CALCR: variants seen among roughly 807,000 people sequenced by gnomAD.
CALCR encodes the protein calcitonin receptor.
A neutral mutation model predicts 59.5 loss-of-function variants in CALCR; 47 were observed. That is an observed-to-expected ratio of 0.79 (90% CI 0.63 to 1.01). The LOEUF (loss-of-function observed/expected upper bound fraction) is 1.01, where lower values mean the gene tolerates loss of function less well. Among genes scored for constraint, CALCR ranks in the 50% least tolerant of loss-of-function variants. The pLI is 0.00. For missense variants in CALCR, 566 were observed against 597.1 expected (o/e 0.95, Z 0.54); for synonymous variants, 213 against 211.3 (o/e 1.01, Z -0.07).
intron 2 of CALCR, among the ~76,000 whole-genome samples, chr7:93,543,299 G>A (rs906882823): frequency 3.9e-5 from 6 of 151,956 alleles, no homozygotes; most frequent in Admixed American, 2.0e-4. Flanking sequence ...TGCCCACCAT[G>A]GCAACTGGCT....
chr7:93,553,334 C>T (rs1789514380), intron 2 of CALCR, among the ~76,000 whole-genome samples: 1 of 152,050 alleles, frequency 6.6e-6, no homozygotes, highest in Non-Finnish European at 1.5e-5. Flanking sequence ...CTGGGAGATC[C>T]TGAGGAGGTA....
chr7:93,549,172 G>A (rs1225847526), intron 2 of CALCR, among the ~76,000 whole-genome samples: 1 of 152,068 alleles, frequency 6.6e-6, no homozygotes, highest in Non-Finnish European at 1.5e-5. Flanking sequence ...ATGTTCTCAT[G>A]TTTACAGTGG....
At chr7:93,562,504 G>A (rs188589229) in intron 2 of CALCR, among the ~76,000 whole-genome samples, 132 of 152,306 alleles carry the variant, frequency 8.7e-4, no homozygotes, top group Non-Finnish European at 7.4e-4. Flanking sequence ...AGATGAGTAT[G>A]ATGGTAAGAC....
At chr7:93,442,169 C>G (rs1799920422) in intron 9 of CALCR, among the ~76,000 whole-genome samples, 1 of 152,264 alleles carries the variant, frequency 6.6e-6, no homozygotes, top group African/African-American at 2.4e-5. Context: ...TTATCTGCTC[C>G]CAGGCTACAG....
intron 13 of CALCR, among the ~76,000 whole-genome samples, chr7:93,430,930 C>T (rs1799645943): frequency 6.6e-6 from 1 of 152,152 alleles, no homozygotes; most frequent in African/African-American, 2.4e-5. Context: ...TCTAGAAAGA[C>T]ATTGTATTGA....
intron 8 of CALCR, among the ~76,000 whole-genome samples, chr7:93,447,047 A>G (rs1331652011): frequency 6.6e-6 from 1 of 152,008 alleles, no homozygotes; most frequent in Non-Finnish European, 1.5e-5. Flanking sequence ...GAGTCATATC[A>G]CTATTCAGTG....
chr7:93,519,541 T>C (rs772831404), intron 2 of CALCR, among the ~76,000 whole-genome samples: 3 of 152,066 alleles, frequency 2.0e-5, no homozygotes, highest in Non-Finnish European at 2.9e-5. Context: ...CCTCAGCACA[T>C]AGTATTCAAT....
intron 7 of CALCR, among the ~76,000 whole-genome samples, chr7:93,468,507 G>T (rs1748795974): frequency 1.3e-5 from 2 of 151,662 alleles, no homozygotes; most frequent in Non-Finnish European, 2.9e-5. Flanking sequence ...TTTTGAAAAT[G>T]ATATAAATTT....
intron 2 of CALCR, among the ~76,000 whole-genome samples, chr7:93,565,663 A>G (rs933903013): frequency 1.3e-5 from 2 of 152,174 alleles, no homozygotes; most frequent in Non-Finnish European, 2.9e-5. Context: ...TTTGCAGTCT[A>G]TGTGATGTTA....
intron 2 of CALCR, among the ~76,000 whole-genome samples, chr7:93,564,651 G>C (rs573793266): frequency 2.0e-5 from 3 of 151,636 alleles, no homozygotes; most frequent in Non-Finnish European, 4.4e-5. Context: ...ACGGGGTTTC[G>C]CTATGTTGGC....
rs1297524627 is a variant in CALCR at position 93,443,714 on chromosome 7, G to A, written c.692C>T (p.Ala231Val). ...ACAGAGCATCCAGAAATAGTTGCAG[G>A]CCATCATGTACTGGTGGAAAAAATG... is the stretch of plus-strand genomic sequence containing the variant. ...ILHFFHQYMM[A>V]CNYFWMLCEG... Residue 231 changes from alanine to valine, a missense_variant, in exon 9 of 14, where the codon GCC becomes GTC. By Grantham distance (64) the Ala-to-Val change is moderately conservative. Coordinates refer to ENST00000426151, the MANE Select transcript of CALCR (RefSeq NM_001742.4). 3 of 1,612,568 alleles carry A rather than the reference G, an allele frequency of 1.9e-6. No individual in the cohort carries two copies. Among genetic ancestry groups the A allele is most frequent in the Non-Finnish European group, 2.5e-6 (3 of 1,178,720 alleles).
intron 2 of CALCR, among the ~76,000 whole-genome samples, chr7:93,564,629 T>A (rs1789820167): frequency 6.6e-6 from 1 of 152,054 alleles, no homozygotes; most frequent in African/African-American, 2.4e-5. Context: ...ATTTTTTGTA[T>A]TTTTAGTAGA....
At chr7:93,427,405 A>G (rs979108688) in intron 13 of CALCR, among the ~76,000 whole-genome samples, 8 of 152,188 alleles carry the variant, frequency 5.3e-5, no homozygotes, top group African/African-American at 1.9e-4. Context: ...TCTATAGCTG[A>G]ACAAAACTAA....
At chr7:93,517,540 T>C (rs574839636) in intron 2 of CALCR, among the ~76,000 whole-genome samples, 4 of 152,006 alleles carry the variant, frequency 2.6e-5, no homozygotes, top group Admixed American at 2.6e-4. Flanking sequence ...CACTGCTATC[T>C]TTTTAGAATT....
intron 2 of CALCR, among the ~76,000 whole-genome samples, chr7:93,498,403 A>G (rs118121576): frequency 2.2e-4 from 33 of 151,748 alleles, no homozygotes; most frequent in Non-Finnish European, 4.1e-4. Context: ...CATTACCCAA[A>G]TGGCTATTAT....
chr7:93,478,431 G>C (rs1002347803), intron 4 of CALCR, among the ~76,000 whole-genome samples: 2 of 151,748 alleles, frequency 1.3e-5, no homozygotes, highest in Non-Finnish European at 2.9e-5. Context: ...GCCAGATGCA[G>C]TGTCTCACGC....
intron 8 of CALCR, among the ~76,000 whole-genome samples, chr7:93,450,427 G>A (rs1455443438): frequency 6.6e-6 from 1 of 151,960 alleles, no homozygotes; most frequent in Non-Finnish European, 1.5e-5. Context: ...ACATGGTTAT[G>A]TGGTCAGTGA....
At chr7:93,567,504 C>A (rs1789891325) in intron 2 of CALCR, among the ~76,000 whole-genome samples, 2 of 151,356 alleles carry the variant, frequency 1.3e-5, no homozygotes, top group African/African-American at 4.9e-5. Context: ...TCAAAAATTG[C>A]TATATTTGGC....
intron 13 of CALCR, among the ~76,000 whole-genome samples, chr7:93,429,922 TTTTG>T (rs1208623174): frequency 1.6e-4 from 14 of 86,356 alleles, no homozygotes; most frequent in Middle Eastern, 6.3e-3. Flanking sequence ...CGGTTTTTTT[TTTTG>T]TTTGTTTGTT....
Sources: gnomAD v4.1 joint callset for allele counts (sites outside exome capture counted in the v4.1 genomes callset) on GRCh38, gnomAD v4.1.1 for gene constraint, MANE v1.5 for transcripts, NCBI Gene and HGNC (gene_info 2026-07-23, HGNC 2026-07-21) for gene names.